The following DRC11 variants were observed in gnomAD, a reference collection of about 807,000 sequenced individuals.
DRC11 encodes the protein dynein regulatory complex subunit 11.
chr2:236,358,842 G>A, the DRC11 span, among the ~76,000 whole-genome samples: 322 of 147,914 alleles, frequency 2.2e-3, no homozygotes, highest in African/African-American at 7.1e-3. Context: ...AGACCGTCAC[G>A]TGGCCCCCCA....
At chr2:236,418,246 C>G in the DRC11 span, among the ~76,000 whole-genome samples, 39,839 of 152,052 alleles carry the variant, frequency 0.26, 5,550 homozygotes, top group African/African-American at 0.34. Flanking sequence ...GTTGTTTCCA[C>G]ACTTTTTAAT....
chr2:236,492,625 G>A, the DRC11 span, among the ~76,000 whole-genome samples: 1 of 152,218 alleles, frequency 6.6e-6, no homozygotes, highest in South Asian at 2.1e-4. Flanking sequence ...GACAAGTGCT[G>A]CCTTACAGCT....
chr2:236,444,104 T>C, the DRC11 span, among the ~76,000 whole-genome samples: 1 of 152,128 alleles, frequency 6.6e-6, no homozygotes, highest in Non-Finnish European at 1.5e-5. Context: ...TTGTCAGATA[T>C]ATAGATTGCA....
At chr2:236,313,683 TAAAC>T in the DRC11 span, among the ~76,000 whole-genome samples, 1 of 152,310 alleles carries the variant, frequency 6.6e-6, no homozygotes, top group African/African-American at 2.4e-5. The surrounding 1 kb of genome is among the most constrained non-coding windows in gnomAD (Gnocchi z 4.5). Flanking sequence ...AGTGAATGGT[TAAAC>T]AAACTGTGAT....
chr2:236,357,089 T>TTGTATATTATATATCTATATA, the DRC11 span, among the ~76,000 whole-genome samples: 2 of 56,994 alleles, frequency 3.5e-5, no homozygotes, highest in Non-Finnish European at 7.3e-5. Context: ...ATCTATATAT[T>TTGTATATTATATATCTATATA]TTATATATTC....
chr2:236,357,774 AAT>A, the DRC11 span, among the ~76,000 whole-genome samples: 208 of 126,526 alleles, frequency 1.6e-3, no homozygotes, highest in East Asian at 7.3e-3. Context: ...ATACTATGTA[AAT>A]ATATGTTATA....
At chr2:236,482,554 A>T in the DRC11 span, among the ~76,000 whole-genome samples, 3 of 152,184 alleles carry the variant, frequency 2.0e-5, no homozygotes, top group Non-Finnish European at 2.9e-5. The surrounding 1 kb of genome is among the most constrained non-coding windows in gnomAD (Gnocchi z 4.5). Flanking sequence ...AATTTTAAAA[A>T]CTTTTAATAT....
the DRC11 span, among the ~76,000 whole-genome samples, chr2:236,432,501 A>G: frequency 1.3e-5 from 2 of 152,156 alleles, no homozygotes; most frequent in African/African-American, 4.8e-5. Flanking sequence ...GAGGTTGATC[A>G]TCTTTTCATA....
At chr2:236,321,098 A>G in the DRC11 span, among the ~76,000 whole-genome samples, 5 of 152,192 alleles carry the variant, frequency 3.3e-5, no homozygotes, top group East Asian at 9.7e-4. Context: ...CAAATGAAAG[A>G]CTCACAGGTG....
chr2:236,423,606 C>T, the DRC11 span, among the ~76,000 whole-genome samples: 1 of 152,158 alleles, frequency 6.6e-6, no homozygotes. Flanking sequence ...GTTGGTGGGA[C>T]TGTAAACTAG....
the DRC11 span, among the ~76,000 whole-genome samples, chr2:236,460,841 A>G: frequency 6.6e-6 from 1 of 151,846 alleles, no homozygotes. The surrounding 1 kb of genome is among the most constrained non-coding windows in gnomAD (Gnocchi z 4.0). Flanking sequence ...TGCAACCTCC[A>G]CCTCCCAGGT....
chr2:236,358,324 G>T, the DRC11 span, among the ~76,000 whole-genome samples: 1 of 128,782 alleles, frequency 7.8e-6, no homozygotes, highest in Admixed American at 8.1e-5. Flanking sequence ...TATACTATAT[G>T]AATATATATG....
chr2:236,358,822 T>A, the DRC11 span, among the ~76,000 whole-genome samples: 1 of 147,856 alleles, frequency 6.8e-6, no homozygotes, highest in Non-Finnish European at 1.5e-5. Context: ...TCACGCTAGG[T>A]CAGGCCCCAA....
the DRC11 span, among the ~76,000 whole-genome samples, chr2:236,434,899 T>TA: frequency 4.0e-5 from 6 of 151,764 alleles, no homozygotes; most frequent in African/African-American, 1.2e-4. This position sits in a 1 kb window ranked among gnomAD's most constrained non-coding sequence, Gnocchi z 5.5. Flanking sequence ...CCTAAACACA[T>TA]AAAAAAAGTG....
the DRC11 span, among the ~76,000 whole-genome samples, chr2:236,469,385 T>C: frequency 1.3e-5 from 2 of 152,122 alleles, no homozygotes; most frequent in African/African-American, 4.8e-5. This position sits in a 1 kb window ranked among gnomAD's most constrained non-coding sequence, Gnocchi z 5.8. Context: ...TTTGTATTTT[T>C]AGTAGAGACA....
At chr2:236,501,561 G>C in the DRC11 span, among the ~76,000 whole-genome samples, 1 of 152,176 alleles carries the variant, frequency 6.6e-6, no homozygotes. Context: ...AGATGATCAA[G>C]GGAATGGTTT....
chr2:236,477,535 C>T, the DRC11 span, among the ~76,000 whole-genome samples: 1 of 152,090 alleles, frequency 6.6e-6, no homozygotes. Context: ...TGGGCCCATG[C>T]AGTTCAAACC....
chr2:236,451,483 G>T, the DRC11 span, among the ~76,000 whole-genome samples: 1 of 152,108 alleles, frequency 6.6e-6, no homozygotes, highest in Non-Finnish European at 1.5e-5. Flanking sequence ...TCTGGGAAAA[G>T]GCAGTGAACA....
the DRC11 span, among the ~76,000 whole-genome samples, chr2:236,320,333 G>A: frequency 1.3e-5 from 2 of 152,304 alleles, no homozygotes; most frequent in South Asian, 4.1e-4. Flanking sequence ...TCAAGGACAG[G>A]ACAAGCCACT....
Sources: gnomAD v4.1 joint callset for allele counts (sites outside exome capture counted in the v4.1 genomes callset) on GRCh38, gnomAD v4.1.1 for gene constraint, Gnocchi (gnomAD v3.1) non-coding constraint, MANE v1.5 for transcripts, NCBI Gene and HGNC (gene_info 2026-07-23, HGNC 2026-07-21) for gene names.